Variants in AKAP1 observed in about 807,000 individuals in gnomAD.
AKAP1 encodes A-kinase anchor protein 1, mitochondrial.
In AKAP1, 32 loss-of-function variants were observed where a neutral mutation model predicts 79.8. That is an observed-to-expected ratio of 0.40 (90% CI 0.30 to 0.54). AKAP1 has a LOEUF of 0.54. AKAP1 is among the 20% of genes least tolerant of loss of function. AKAP1 has a pLI of 0.47. For synonymous variants in AKAP1, 416 were observed against 466.7 expected, an observed-to-expected ratio of 0.89 and a Z score of 1.40; for missense variants, 961 against 1,138.9, an observed-to-expected ratio of 0.84 and a Z score of 2.25.
chr17:57,115,448 G>A (rs1915523102), intron 6 of AKAP1, among the ~76,000 whole-genome samples: 1 of 152,232 alleles, frequency 6.6e-6, no homozygotes, highest in South Asian at 2.1e-4. Flanking sequence ...AGCACAGTCA[G>A]CCTCATGTCA....
intron 5 of AKAP1, 125 bp downstream of exon 5, chr17:57,112,743 T>A (rs2051399384): frequency 2.2e-6 from 3 of 1,351,616 alleles, no homozygotes; most frequent in Admixed American, 4.8e-5. Context: ...CCCTCTCTTC[T>A]CTGGCCTCTG....
chr17:57,085,417 C>T lies in AKAP1; in HGVS notation c.-25+19C>T, dbSNP rs373200282. On this transcript the variant is annotated intron_variant, in intron 1 of 10. Coordinates refer to ENST00000337714, the MANE Select transcript of AKAP1 (RefSeq NM_003488.4). Reference sequence around the variant, plus strand: ...GGAGCTGGTAGGTCGGGGGCAGCTGCGCCGGGGACCCCCTGCCGGAGACCC... The same window carrying T: ...GGAGCTGGTAGGTCGGGGGCAGCTGTGCCGGGGACCCCCTGCCGGAGACCC... The T allele has an allele frequency of 1.3e-5, 2 of 152,122 alleles. No homozygotes were observed. Among genetic ancestry groups the T allele is most frequent in the East Asian group, 3.9e-4 (2 of 5,158 alleles). 9.4% of individuals were successfully genotyped at this position (152,122 alleles called of 1,614,324 possible). A position where few individuals can be genotyped will look rare whatever the true frequency, so the allele number is the denominator to read the frequency against.
At chr17:57,111,745 C>T (rs1186095363) in intron 3 of AKAP1, 53 bp from the exon 4 acceptor site, 5 of 1,603,022 alleles carry the variant, frequency 3.1e-6, no homozygotes, top group African/African-American at 1.3e-5. Context: ...CTTTGGGTGT[C>T]CAGGGAATTG....
chr17:57,090,328 G>A (rs1326137272), intron 1 of AKAP1, among the ~76,000 whole-genome samples: 1 of 90,412 alleles, frequency 1.1e-5, no homozygotes, highest in Admixed American at 1.1e-4. Flanking sequence ...TTTTTTTTCT[G>A]TGTCATTTTT....
At chr17:57,087,307 C>T (rs1386673300) in intron 1 of AKAP1, among the ~76,000 whole-genome samples, 1 of 152,220 alleles carries the variant, frequency 6.6e-6, no homozygotes, top group Non-Finnish European at 1.5e-5. Context: ...TCTCTCCCAT[C>T]TCCCAGTTGT....
intron 7 of AKAP1, 111 bp from the exon 8 acceptor site, chr17:57,116,749 T>C: frequency 1.9e-6 from 2 of 1,057,296 alleles, no homozygotes; most frequent in Non-Finnish European, 1.5e-6. Flanking sequence ...ACGAACCCTC[T>C]GCTTTGCTGC....
At chr17:57,119,727 CAA>C (rs1350175704) in intron 10 of AKAP1, among the ~76,000 whole-genome samples, 1 of 149,242 alleles carries the variant, frequency 6.7e-6, no homozygotes, top group Non-Finnish European at 1.5e-5. Flanking sequence ...AAAACAAAAA[CAA>C]AAACAAAAAA....
chr17:57,113,188 A>G lies in AKAP1; in HGVS notation c.2103+570A>G, dbSNP rs1055669742. Among the ~76,000 whole-genome samples, 15 of 152,302 alleles carry G rather than the reference A, an allele frequency of 9.8e-5. No homozygotes were observed. In the East Asian group the frequency reaches 2.9e-3, roughly 29 times the overall value. On this transcript the variant is annotated intron_variant, in intron 5 of 10. Coordinates refer to ENST00000337714, the MANE Select transcript of AKAP1 (RefSeq NM_003488.4). Reference sequence around the variant, plus strand: ...GAGTTTGGCAGAGGGAAGAGCTGCTATCTCCAGGGCCCCTGTGTGCTGCTG... The same window carrying G: ...GAGTTTGGCAGAGGGAAGAGCTGCTGTCTCCAGGGCCCCTGTGTGCTGCTG...
intron 6 of AKAP1, among the ~76,000 whole-genome samples, chr17:57,115,250 AG>A (rs1292782762): frequency 1.3e-5 from 2 of 152,222 alleles, no homozygotes; most frequent in African/African-American, 4.8e-5. Flanking sequence ...AGGGGATGGC[AG>A]GGTCACTCAG....
intron 8 of AKAP1, among the ~76,000 whole-genome samples, chr17:57,118,116 G>A (rs774918500): frequency 2.0e-5 from 3 of 152,090 alleles, no homozygotes; most frequent in Non-Finnish European, 2.9e-5. Context: ...GGTATTGGTG[G>A]TGGTGTTAGT....
rs1460708875 is a variant in AKAP1 at position 57,094,599 on chromosome 17, C to A, written c.-25+9201C>A. Reference sequence around the variant, plus strand: ...TACCAGGGAGTGGTGAAAATGGGTCCCCCCCAACTTTTTTTTTTTTTTTTT... The same window carrying A: ...TACCAGGGAGTGGTGAAAATGGGTCACCCCCAACTTTTTTTTTTTTTTTTT... On this transcript the variant is annotated intron_variant, in intron 1 of 10. Coordinates refer to ENST00000337714, the MANE Select transcript of AKAP1 (RefSeq NM_003488.4). The A allele has an allele frequency of 4.8e-5, 7 of 146,442 alleles. No homozygotes were observed. In the Admixed American group the frequency reaches 5.1e-4, roughly 11 times the overall value. The allele number at this position is 146,442 out of a possible 1,614,324, so 9.1% of individuals were successfully genotyped here. A position where few individuals can be genotyped will look rare whatever the true frequency, so the allele number is the denominator to read the frequency against.
chr17:57,086,751 AG>A lies in AKAP1; in HGVS notation c.-25+1354del, dbSNP rs1350841630. ...AAAGCTATTAATTCTGGCAACTAGT[AG>A]CCTTACAAGCTCTTGTAACTGCTAA... On this transcript the variant is annotated intron_variant, in intron 1 of 10. Coordinates refer to ENST00000337714, the MANE Select transcript of AKAP1 (RefSeq NM_003488.4). This position sits in a 1 kb window ranked among gnomAD's most constrained non-coding sequence, Gnocchi z 5.1. Among the ~76,000 whole-genome samples the A allele has an allele frequency of 1.3e-5, 2 of 151,876 alleles. No homozygotes were observed. Among genetic ancestry groups the A allele is most frequent in the Admixed American group, 6.6e-5 (1 of 15,258 alleles).
rs1383469227 is a variant in AKAP1, at chr17:57,114,705, C to T, written c.2281+69C>T. 6.2e-6 allele frequency: 9 copies of T among 1,450,092 alleles called. No homozygotes were observed. In the South Asian group the frequency reaches 1.1e-4, roughly 18 times the overall value. 89.8% of individuals were successfully genotyped at this position (1,450,092 alleles called of 1,614,324 possible). On this transcript the variant is annotated intron_variant, in intron 6 of 10. Coordinates refer to ENST00000337714, the MANE Select transcript of AKAP1 (RefSeq NM_003488.4). ...TGCCTGTTCTGCCCTGGATCCTGAT[C>T]AGGAGGAGGCTGTTCTGCGATCCTT...
intron 3 of AKAP1, among the ~76,000 whole-genome samples, chr17:57,111,254 G>T (rs961443618): frequency 1.5e-4 from 23 of 152,224 alleles, no homozygotes; most frequent in African/African-American, 5.3e-4. Context: ...ACTTCTGCAT[G>T]CCTCCTGCTC....
chr17:57,094,983 CATTCAGGCTTAT>C (rs1460178006), intron 1 of AKAP1: 1 of 152,106 alleles, frequency 6.6e-6, no homozygotes, highest in Non-Finnish European at 1.5e-5. Context: ...ATAATGCTGG[CATTCAGGCTTAT>C]ATTCTCTCAT....
At chr17:57,113,935 C>G (rs1022628822) in intron 5 of AKAP1, among the ~76,000 whole-genome samples, 2 of 152,142 alleles carry the variant, frequency 1.3e-5, no homozygotes, top group East Asian at 1.9e-4. Flanking sequence ...CTTGGGAGGG[C>G]AGCGTAGATG....
intron 8 of AKAP1, among the ~76,000 whole-genome samples, chr17:57,117,997 C>T (rs1473812310): frequency 6.6e-6 from 1 of 152,090 alleles, no homozygotes; most frequent in Non-Finnish European, 1.5e-5. Flanking sequence ...AGTGTTCTCT[C>T]CTGTAAAGTG....
intron 1 of AKAP1, among the ~76,000 whole-genome samples, chr17:57,101,354 G>A (rs535016258): frequency 6.6e-6 from 1 of 152,204 alleles, no homozygotes; most frequent in South Asian, 2.1e-4. Context: ...CCTGGCTAAT[G>A]TTTTTTAGAG....
At chr17:57,120,176 G>A in intron 10 of AKAP1, 74 bp from the exon 11 acceptor site, 3 of 1,412,876 alleles carry the variant, frequency 2.1e-6, no homozygotes, top group South Asian at 1.2e-5. Context: ...CCGGGGAGGG[G>A]AGAACTCATG....
Sources: allele counts gnomAD v4.1 joint callset (sites outside exome capture counted in the v4.1 genomes callset), GRCh38; gene constraint gnomAD v4.1.1; non-coding constraint Gnocchi (gnomAD v3.1); transcripts MANE v1.5; gene names NCBI Gene and HGNC (gene_info 2026-07-23, HGNC 2026-07-21).